MGAT4C: variants seen among roughly 807,000 people sequenced by gnomAD.
MGAT4C encodes alpha-1,3-mannosyl-glycoprotein 4-beta-N-acetylglucosaminyltransferase C.
In MGAT4C, 19 loss-of-function variants were observed where a neutral mutation model predicts 40.1. The observed-to-expected ratio is 0.47, with a 90% CI of 0.33 to 0.70. The LOEUF (loss-of-function observed/expected upper bound fraction) is 0.70. Ranked by LOEUF, MGAT4C falls within the 30% of genes least tolerant of loss-of-function variation. The pLI is 0.02. For missense variants in MGAT4C, 491 were observed against 563.2 expected (o/e 0.87, Z 1.30); for synonymous variants, 181 against 187.1 (o/e 0.97, Z 0.27).
At chr12:86,831,014 A>T (rs1368804458) in intron 1 of MGAT4C, among the ~76,000 whole-genome samples, 1 of 151,804 alleles carries the variant, frequency 6.6e-6, no homozygotes, top group African/African-American at 2.4e-5. Context: ...ATAATAACTC[A>T]AATGCTCAGA....
At position 86,372,964 on chromosome 12, in the gene MGAT4C, A is replaced by G. The variant is rs190084425; in HGVS notation, c.-119-38837T>C. On this transcript the variant is annotated intron_variant, in intron 3 of 7. Coordinates refer to the MGAT4C transcript ENST00000548651. ...GAAGTAATTGAATTGAATATAATAA[A>G]TAAAATTAATTATAAATAATTACAT... Among the ~76,000 whole-genome samples the G allele has an allele frequency of 3.3e-3, 493 of 150,964 alleles. 2 individuals carry two copies. The highest frequency in any genetic ancestry group is 0.012 in the African/African-American group (480 of 41,372).
At chr12:86,113,930 A>G (rs1352261547) in intron 1 of MGAT4C, among the ~76,000 whole-genome samples, 1 of 151,906 alleles carries the variant, frequency 6.6e-6, no homozygotes, top group Non-Finnish European at 1.5e-5. Flanking sequence ...GAAAGGAAAA[A>G]TCACTCATTC....
chr12:86,502,749 C>T (rs1388800938), intron 2 of MGAT4C, among the ~76,000 whole-genome samples: 2 of 64,758 alleles, frequency 3.1e-5, no homozygotes, highest in African/African-American at 5.3e-5. Flanking sequence ...TATAAATACA[C>T]GAGTTCTGCT....
At chr12:86,315,475 G>A (rs961511828) in intron 4 of MGAT4C, among the ~76,000 whole-genome samples, 8 of 152,116 alleles carry the variant, frequency 5.3e-5, no homozygotes, top group Non-Finnish European at 1.0e-4. Context: ...GGCCGAGGCG[G>A]GTGGATCACG....
intron 2 of MGAT4C, among the ~76,000 whole-genome samples, chr12:86,719,462 T>C (rs1950703135): frequency 6.6e-6 from 1 of 152,160 alleles, no homozygotes; most frequent in African/African-American, 2.4e-5. Context: ...TACAATTCCA[T>C]TCAAAATAGG....
At chr12:86,819,999 T>C (rs1179482835) in intron 1 of MGAT4C, among the ~76,000 whole-genome samples, 2 of 150,776 alleles carry the variant, frequency 1.3e-5, no homozygotes, top group African/African-American at 4.8e-5. Context: ...TAGGCTATAA[T>C]GGGATAATTT....
chr12:86,103,887 A>C (rs778985745), intron 1 of MGAT4C, among the ~76,000 whole-genome samples: 1 of 152,102 alleles, frequency 6.6e-6, no homozygotes. Context: ...TATGCCAGCC[A>C]TATAGTAGGT....
chr12:86,662,207 A>G (rs1333243486), intron 2 of MGAT4C, among the ~76,000 whole-genome samples: 1 of 152,204 alleles, frequency 6.6e-6, no homozygotes, highest in Non-Finnish European at 1.5e-5. Flanking sequence ...TCAGAGCAAT[A>G]TGAGATTAAC....
rs1410277857 is a variant in MGAT4C at position 85,962,254 on chromosome 12, G to T, written c.*17035C>A. On this transcript the variant is annotated 3_prime_UTR_variant, in exon 5 of 5. Transcript: ENST00000611864. ...ATGTAGTATTTTCACATGCATTCTG[G>T]TCTAAATATCCCAACATATCTTTCG... 1.3e-5 allele frequency: 2 copies of T among 151,512 alleles called. No individual in the cohort carries two copies. The highest frequency in any genetic ancestry group is 3.0e-5 in the Non-Finnish European group (2 of 67,678). The allele number at this position is 151,512 out of a possible 1,614,324, so 9.4% of individuals were successfully genotyped here.
intron 3 of MGAT4C, among the ~76,000 whole-genome samples, chr12:86,362,594 A>G (rs1460434021): frequency 6.6e-6 from 1 of 152,158 alleles, no homozygotes. Context: ...TACTTTAAAT[A>G]TAATTGTACC....
In MGAT4C at chr12:86,304,776, CAT is replaced by C. The variant is rs761640189; in HGVS notation, c.-57+29287_-57+29288del. ...TATAAAAAGAGAAGAGATGCAGACA[CAT>C]GAGAGGAGAACGCCATATGGCAATA... On this transcript the variant is annotated intron_variant, in intron 4 of 7. Coordinates refer to the MGAT4C transcript ENST00000548651. 2.6e-3 allele frequency among the ~76,000 whole-genome samples: 392 copies of C among 150,766 alleles called. 3 individuals are homozygous for C. The highest frequency in any genetic ancestry group is 4.4e-3 in the Non-Finnish European group (302 of 68,018).
intron 1 of MGAT4C, among the ~76,000 whole-genome samples, chr12:86,743,514 C>A (rs974923311): frequency 6.6e-6 from 1 of 151,516 alleles, no homozygotes; most frequent in Non-Finnish European, 1.5e-5. Context: ...ACAGCTTTCA[C>A]ATAAGTTTTC....
At chr12:86,581,977 T>C (rs1593008748) in intron 2 of MGAT4C, among the ~76,000 whole-genome samples, 1 of 151,630 alleles carries the variant, frequency 6.6e-6, no homozygotes, top group African/African-American at 2.4e-5. Context: ...CCGTGTCTTA[T>C]AGATTTTCTG....
intron 2 of MGAT4C, chr12:86,016,463 T>C (rs1204572728): frequency 2.0e-5 from 3 of 152,204 alleles, no homozygotes; most frequent in Non-Finnish European, 2.9e-5. Context: ...TGCATTTTCG[T>C]GATACCAACG....
chr12:86,636,307 T>A (rs1963217432), intron 2 of MGAT4C, among the ~76,000 whole-genome samples: 1 of 152,092 alleles, frequency 6.6e-6, no homozygotes. Context: ...TTAGCTTTTT[T>A]AAAATTATAA....
At chr12:86,160,293 C>G (rs573091721) in intron 1 of MGAT4C, among the ~76,000 whole-genome samples, 2 of 151,960 alleles carry the variant, frequency 1.3e-5, no homozygotes, top group Admixed American at 6.6e-5. Flanking sequence ...TCAATGTTTG[C>G]TCAGCAGTTA....
intron 3 of MGAT4C, among the ~76,000 whole-genome samples, chr12:86,407,362 G>A (rs1452332777): frequency 6.6e-6 from 1 of 152,040 alleles, no homozygotes; most frequent in Non-Finnish European, 1.5e-5. Context: ...TTATAATGGA[G>A]AATGCAATAG....
intron 1 of MGAT4C, among the ~76,000 whole-genome samples, chr12:86,137,417 C>T (rs559624216): frequency 7.9e-5 from 12 of 152,268 alleles, no homozygotes; most frequent in African/African-American, 2.9e-4. Context: ...ACTGACCTTA[C>T]TGAGATAATT....
At chr12:86,077,055 C>T (rs1869875453) in intron 1 of MGAT4C, among the ~76,000 whole-genome samples, 2 of 152,080 alleles carry the variant, frequency 1.3e-5, no homozygotes, top group South Asian at 4.1e-4. Flanking sequence ...AGATTGTGCC[C>T]ACCTAGATTA....
Sources: gnomAD v4.1 joint callset for allele counts (sites outside exome capture counted in the v4.1 genomes callset) on GRCh38, gnomAD v4.1.1 for gene constraint, MANE v1.5 for transcripts, NCBI Gene and HGNC (gene_info 2026-07-23, HGNC 2026-07-21) for gene names.